Variants in PSD3 observed in about 807,000 individuals in gnomAD.
PSD3 encodes PH and SEC7 domain-containing protein 3.
Under a neutral mutation model 105.5 loss-of-function variants are expected in PSD3, and 49 were observed. That is an observed-to-expected ratio of 0.46 (90% confidence interval 0.37 to 0.59). The LOEUF (loss-of-function observed/expected upper bound fraction) is 0.59, where lower values mean the gene tolerates loss of function less well. Ranked by LOEUF, PSD3 falls within the 20% of genes least tolerant of loss-of-function variation. The pLI is 0.00. For missense variants in PSD3, 1,561 were observed against 1,263.8 expected (o/e 1.24, Z -3.57); for synonymous variants, 557 against 457.8 (o/e 1.22, Z -2.77).
intron 4 of PSD3, among the ~76,000 whole-genome samples, chr8:18,860,593 C>G (rs999223746): frequency 6.6e-6 from 1 of 152,108 alleles, no homozygotes; most frequent in Non-Finnish European, 1.5e-5. Context: ...GTAAACAAGA[C>G]CCTTTTGAGT....
rs568856850 is a variant in PSD3, at chr8:18,898,155, CTTTG to C, written c.131-25426_131-25423del. On this transcript the variant is annotated intron_variant, in intron 2 of 15. Coordinates refer to ENST00000327040, the MANE Select transcript of PSD3 (RefSeq NM_015310.4). ...AAAGTGCAGTTTAAATCCAATGTTG[CTTTG>C]TTTGTTTTCTGTATAGATGATCTAT... Among the ~76,000 whole-genome samples, 36 of 152,156 alleles carry C rather than the reference CTTTG, an allele frequency of 2.4e-4. No individual in the cohort carries two copies. The South Asian group carries it at 7.5e-3, about 32-fold the overall frequency.
chr8:18,604,086 G>T (rs889115968), intron 11 of PSD3, among the ~76,000 whole-genome samples: 2 of 152,112 alleles, frequency 1.3e-5, no homozygotes, highest in Non-Finnish European at 2.9e-5. Context: ...TTTTGAACTG[G>T]ATAAAAATCA....
intron 4 of PSD3, among the ~76,000 whole-genome samples, chr8:18,810,909 C>G (rs975667712): frequency 7.2e-5 from 11 of 152,124 alleles, no homozygotes; most frequent in African/African-American, 2.7e-4. Flanking sequence ...AAATACAAGT[C>G]AGAAGTAAGT....
At chr8:18,857,891 C>T (rs961744323) in intron 4 of PSD3, among the ~76,000 whole-genome samples, 1 of 152,082 alleles carries the variant, frequency 6.6e-6, no homozygotes. Context: ...CAGTAGAATA[C>T]CTGCAAATAG....
intron 11 of PSD3, among the ~76,000 whole-genome samples, chr8:18,626,095 T>C (rs9325834): frequency 0.097 from 14,752 of 152,136 alleles, 1,016 homozygotes; most frequent in East Asian, 0.19. Context: ...AATAGGTCTT[T>C]GTAAAAATAC....
At chr8:18,807,692 G>C (rs10102692) in intron 4 of PSD3, among the ~76,000 whole-genome samples, 20,557 of 152,156 alleles carry the variant, frequency 0.14, 1,502 homozygotes, top group East Asian at 0.27. Context: ...TCAACACCTT[G>C]AACAGTTTCC....
At chr8:18,856,186 C>G (rs1221144919) in intron 4 of PSD3, among the ~76,000 whole-genome samples, 1 of 152,146 alleles carries the variant, frequency 6.6e-6, no homozygotes, top group Admixed American at 6.5e-5. Flanking sequence ...ATGCAGCACC[C>G]CCACAAGGAC....
intron 11 of PSD3, among the ~76,000 whole-genome samples, chr8:18,616,926 T>C (rs1805736571): frequency 6.6e-6 from 1 of 152,178 alleles, no homozygotes; most frequent in East Asian, 1.9e-4. Context: ...CCCGGCCATC[T>C]TCCTCTCTTT....
intron 12 of PSD3, among the ~76,000 whole-genome samples, chr8:18,583,303 G>C (rs1245818963): frequency 6.6e-6 from 1 of 152,220 alleles, no homozygotes; most frequent in Non-Finnish European, 1.5e-5. Context: ...GTCAGGTGTG[G>C]TGGTGGTCCC....
At chr8:18,953,245 G>T (rs1206207800) in intron 1 of PSD3, among the ~76,000 whole-genome samples, 1 of 152,148 alleles carries the variant, frequency 6.6e-6, no homozygotes, top group Non-Finnish European at 1.5e-5. Flanking sequence ...ATAAACTCCT[G>T]GTTGGGGTAT....
intron 1 of PSD3, among the ~76,000 whole-genome samples, chr8:19,072,328 C>T (rs1305104075): frequency 6.6e-6 from 1 of 152,072 alleles, no homozygotes; most frequent in African/African-American, 2.4e-5. Context: ...CTCACGTGAT[C>T]CGCCCACCTC....
chr8:18,608,188 C>T (rs1315346275), intron 11 of PSD3, among the ~76,000 whole-genome samples: 1 of 152,086 alleles, frequency 6.6e-6, no homozygotes, highest in Non-Finnish European at 1.5e-5. Flanking sequence ...CCACTGGATT[C>T]TATCCTGGGT....
chr8:19,062,777 A>T (rs1013332489), intron 1 of PSD3, among the ~76,000 whole-genome samples: 1 of 152,214 alleles, frequency 6.6e-6, no homozygotes, highest in South Asian at 2.1e-4. Flanking sequence ...GACCAAAATC[A>T]GGTAGATTAG....
At chr8:18,763,166 T>G (rs1298760024) in intron 9 of PSD3, 3 of 411,240 alleles carry the variant, frequency 7.3e-6, no homozygotes, top group Non-Finnish European at 1.5e-5. Context: ...TTGAACCAAA[T>G]TAATCTAAAA....
chr8:19,023,042 T>C (rs1827415301), intron 1 of PSD3, among the ~76,000 whole-genome samples: 1 of 152,162 alleles, frequency 6.6e-6, no homozygotes, highest in African/African-American at 2.4e-5. Context: ...TCACTGTAGA[T>C]ATATGTGCTC....
At chr8:18,851,981 A>C (rs1815614436) in intron 4 of PSD3, among the ~76,000 whole-genome samples, 4 of 152,228 alleles carry the variant, frequency 2.6e-5, no homozygotes, top group Admixed American at 2.6e-4. Context: ...TGAAGGCAAA[A>C]AGAAACTGAC....
At chr8:19,073,268 T>C (rs1829332282) in intron 1 of PSD3, among the ~76,000 whole-genome samples, 1 of 152,082 alleles carries the variant, frequency 6.6e-6, no homozygotes, top group Non-Finnish European at 1.5e-5. Flanking sequence ...AAGACAGGCC[T>C]GGCAGGGCAC....
At chr8:18,984,071 T>C (rs1180649974) in intron 1 of PSD3, among the ~76,000 whole-genome samples, 1 of 146,830 alleles carries the variant, frequency 6.8e-6, no homozygotes, top group Admixed American at 6.7e-5. Flanking sequence ...ATAATAATAA[T>C]GAGAAAGTTT....
At chr8:18,819,618 G>A (rs1355652003) in intron 4 of PSD3, among the ~76,000 whole-genome samples, 2 of 116,718 alleles carry the variant, frequency 1.7e-5, no homozygotes, top group East Asian at 6.1e-4. Flanking sequence ...TCACTCTGTC[G>A]CTCAGGCTGG....
Sources: gnomAD v4.1 joint callset for allele counts (sites outside exome capture counted in the v4.1 genomes callset) on GRCh38, gnomAD v4.1.1 for gene constraint, MANE v1.5 for transcripts, NCBI Gene and HGNC (gene_info 2026-07-23, HGNC 2026-07-21) for gene names.